CDH13: variants seen among roughly 807,000 people sequenced by gnomAD.
The protein encoded by CDH13 is cadherin 13.
A neutral mutation model predicts 63.8 loss-of-function variants in CDH13; 24 were observed. The observed-to-expected ratio is 0.38, with a 90% CI of 0.27 to 0.53. CDH13 has a LOEUF of 0.53. CDH13 is among the 20% of genes least tolerant of loss of function. CDH13 has a pLI of 0.85. For synonymous variants in CDH13, 503 were observed against 355.3 expected (o/e 1.42, Z -4.67); for missense variants, 1,049 against 903.1 (o/e 1.16, Z -2.07).
At chr16:83,467,330 A>T (rs982458528) in intron 6 of CDH13, among the ~76,000 whole-genome samples, 2 of 152,210 alleles carry the variant, frequency 1.3e-5, no homozygotes, top group Non-Finnish European at 2.9e-5. Context: ...CCTCTGTGAC[A>T]GATTTCTTTT....
rs1334529327 is a variant in CDH13, at chr16:82,923,799, C to G, written c.157+65326C>G. Among the ~76,000 whole-genome samples, 3 of 152,126 alleles carry G rather than the reference C, an allele frequency of 2.0e-5. No homozygotes were observed. In the South Asian group the frequency reaches 6.2e-4, roughly 32 times the overall value. ...TTTCCTGGTCTATGATACAGAAAAT[C>G]GTCTGAATTAATTGCATTTGAAACG... On this transcript the variant is annotated intron_variant, in intron 2 of 13. Transcript: ENST00000567109.
At chr16:83,674,233 A>G (rs1914761203) in intron 9 of CDH13, among the ~76,000 whole-genome samples, 2 of 152,338 alleles carry the variant, frequency 1.3e-5, no homozygotes, top group African/African-American at 4.8e-5. Flanking sequence ...AGGCCAGTCC[A>G]GGATTGGCCA....
At chr16:82,856,233 G>C (rs760183091) in intron 1 of CDH13, among the ~76,000 whole-genome samples, 6 of 151,798 alleles carry the variant, frequency 4.0e-5, no homozygotes, top group East Asian at 3.9e-4. Flanking sequence ...AAAATTAGCC[G>C]GGTATGGTGG....
intron 6 of CDH13, among the ~76,000 whole-genome samples, chr16:83,401,701 C>A (rs1375837377): frequency 6.6e-6 from 1 of 152,124 alleles, no homozygotes; most frequent in East Asian, 1.9e-4. Context: ...GAGGATCTTA[C>A]CCAAGGATGC....
At chr16:83,191,146 G>A (rs78853053) in intron 4 of CDH13, among the ~76,000 whole-genome samples, 8,761 of 148,784 alleles carry the variant, frequency 0.059, 417 homozygotes, top group African/African-American at 0.13. Context: ...TATTGTTGTT[G>A]TTTTGTCTTT....
At chr16:82,866,808 G>T (rs1460914935) in intron 2 of CDH13, among the ~76,000 whole-genome samples, 1 of 152,110 alleles carries the variant, frequency 6.6e-6, no homozygotes, top group African/African-American at 2.4e-5. Flanking sequence ...TAAGGGGGAA[G>T]AGCCCTTTAT....
chr16:83,109,152 G>C (rs76382872), intron 3 of CDH13, among the ~76,000 whole-genome samples: 1 of 152,318 alleles, frequency 6.6e-6, no homozygotes, highest in East Asian at 1.9e-4. Context: ...AAGTCACGAG[G>C]ATCCCTCAGG....
rs143143219 is a variant in CDH13, at chr16:83,061,177, C to A, written c.366+28959C>A. Reference sequence around the variant, plus strand: ...GTGGAGGAGAGTTGGACCTAGGGCCCAGGTTTCCAGGATCCTGGTCTAGTG... The same window carrying A: ...GTGGAGGAGAGTTGGACCTAGGGCCAAGGTTTCCAGGATCCTGGTCTAGTG... On this transcript the variant is annotated intron_variant, in intron 3 of 13. Coordinates refer to ENST00000567109, the MANE Select transcript of CDH13 (RefSeq NM_001257.5). 2.0e-5 allele frequency among the ~76,000 whole-genome samples: 3 copies of A among 152,302 alleles called. 1 individual carries two copies. Among genetic ancestry groups the A allele is most frequent in the Non-Finnish European group, 2.9e-5 (2 of 68,028 alleles).
Position 83,336,300 on chromosome 16 carries a change from C to CAAAAAAA in CDH13, c.637-8550_637-8544dup, listed in dbSNP as rs376325733. ...TGGGTGACAGAGCAAGACTCCATCT[C>CAAAAAAA]AAAAAAAAAAAAAAAAAAGAAATTT... is the stretch of plus-strand genomic sequence containing the variant. On this transcript the variant is annotated intron_variant, in intron 5 of 13. Transcript: ENST00000567109. Among the ~76,000 whole-genome samples the CAAAAAAA allele has an allele frequency of 2.2e-3, 107 of 48,980 alleles. 4 individuals carry two copies. Among genetic ancestry groups the CAAAAAAA allele is most frequent in the African/African-American group, 7.0e-3 (101 of 14,442 alleles). 32.1% of individuals were successfully genotyped at this position (48,980 alleles called of 152,430 possible).
At chr16:83,474,143 C>T (rs1598103057) in intron 6 of CDH13, among the ~76,000 whole-genome samples, 1 of 152,142 alleles carries the variant, frequency 6.6e-6, no homozygotes, top group African/African-American at 2.4e-5. Flanking sequence ...ATTACCCTGG[C>T]AGGGCTATTA....
At chr16:83,634,441 C>T (rs1485010135) in intron 8 of CDH13, among the ~76,000 whole-genome samples, 1 of 151,348 alleles carries the variant, frequency 6.6e-6, no homozygotes, top group Non-Finnish European at 1.5e-5. Flanking sequence ...TTCCCAGCCA[C>T]CCAGGCTGGA....
At chr16:83,222,713 C>G (rs566481464) in intron 5 of CDH13, among the ~76,000 whole-genome samples, 3 of 152,156 alleles carry the variant, frequency 2.0e-5, no homozygotes, top group African/African-American at 4.8e-5. Context: ...TGGCAGTCAA[C>G]AAAATCACCT....
chr16:82,895,121 C>G (rs1028964114), intron 2 of CDH13, among the ~76,000 whole-genome samples: 9 of 152,162 alleles, frequency 5.9e-5, no homozygotes, highest in African/African-American at 1.9e-4. Context: ...ATTTGCAGTG[C>G]TTTGCAATCA....
chr16:83,340,179 A>C (rs1042964885), intron 5 of CDH13, among the ~76,000 whole-genome samples: 1 of 152,230 alleles, frequency 6.6e-6, no homozygotes, highest in African/African-American at 2.4e-5. Context: ...ATTTTTAAGC[A>C]TTCAGCATGC....
At chr16:83,223,977 C>G (rs2151795915) in intron 5 of CDH13, among the ~76,000 whole-genome samples, 1 of 152,246 alleles carries the variant, frequency 6.6e-6, no homozygotes, top group East Asian at 1.9e-4. Context: ...CCTTTTATTC[C>G]TCATTCCCTT....
At chr16:83,651,811 T>C (rs9938167) in intron 8 of CDH13, among the ~76,000 whole-genome samples, 151,826 of 152,168 alleles carry the variant, frequency 1, 75,742 homozygotes, top group Middle Eastern at 1. Flanking sequence ...GGCCAGCTGG[T>C]CTCAGACTCC....
chr16:82,851,367 G>T (rs189333360), intron 1 of CDH13, among the ~76,000 whole-genome samples: 1 of 151,040 alleles, frequency 6.6e-6, no homozygotes, highest in South Asian at 2.1e-4. Context: ...CCCTGGAGGC[G>T]GAGGGTGCAG....
At chr16:83,229,916 C>T (rs1024105137) in intron 5 of CDH13, among the ~76,000 whole-genome samples, 3 of 152,094 alleles carry the variant, frequency 2.0e-5, no homozygotes, top group Non-Finnish European at 4.4e-5. Context: ...GTCGCATCCT[C>T]GTTAAATGAT....
chr16:83,583,300 G>A (rs913058250), intron 7 of CDH13, among the ~76,000 whole-genome samples: 3 of 152,056 alleles, frequency 2.0e-5, no homozygotes, highest in Admixed American at 6.5e-5. Flanking sequence ...GATCACATTC[G>A]CAGGTACTGG....
Sources: allele counts gnomAD v4.1 joint callset (sites outside exome capture counted in the v4.1 genomes callset), GRCh38; gene constraint gnomAD v4.1.1; transcripts MANE v1.5; gene names NCBI Gene and HGNC (gene_info 2026-07-23, HGNC 2026-07-21).